Variants in PITPNM3 observed in about 807,000 individuals in gnomAD.
PITPNM3 encodes membrane-associated phosphatidylinositol transfer protein 3.
Under a neutral mutation model 102.0 loss-of-function variants are expected in PITPNM3, and 26 were observed. The ratio of observed to expected loss-of-function variants is 0.25; its 90% confidence interval spans 0.19 to 0.35. The LOEUF is 0.35. Among genes scored for constraint, PITPNM3 ranks in the 10% least tolerant of loss-of-function variants. The probability of loss-of-function intolerance (pLI) is 1.00; values close to 1 mark genes in which losing one functional copy is unlikely to be tolerated. For missense variants in PITPNM3, 1,083 were observed against 1,346.1 expected (o/e 0.80, Z 3.06); for synonymous variants, 578 against 558.6 (o/e 1.03, Z -0.49).
intron 1 of PITPNM3, among the ~76,000 whole-genome samples, chr17:6,552,494 C>T (rs1175243138): frequency 6.6e-6 from 1 of 152,226 alleles, no homozygotes; most frequent in Non-Finnish European, 1.5e-5. Context: ...GGAGCCCTGG[C>T]GTCCCAGCCA....
At chr17:6,505,195 AATAT>A (rs55839764) in intron 3 of PITPNM3, among the ~76,000 whole-genome samples, 36 of 136,308 alleles carry the variant, frequency 2.6e-4, no homozygotes, top group African/African-American at 9.7e-4. Context: ...AGACAAATAA[AATAT>A]ATATATATAT....
At chr17:6,498,644 C>A (rs536171436) in intron 4 of PITPNM3, among the ~76,000 whole-genome samples, 35 of 152,168 alleles carry the variant, frequency 2.3e-4, no homozygotes, top group African/African-American at 7.0e-4. Context: ...GGGATGGGGA[C>A]AGGGAGGAGT....
intron 4 of PITPNM3, among the ~76,000 whole-genome samples, chr17:6,491,553 C>T (rs1906485593): frequency 6.6e-6 from 1 of 152,150 alleles, no homozygotes; most frequent in South Asian, 2.1e-4. Context: ...CCAGAGCCCA[C>T]CTTCCTCACT....
intron 3 of PITPNM3, among the ~76,000 whole-genome samples, chr17:6,515,397 C>CAAAAAAAAAA (rs61420968): frequency 2.4e-5 from 2 of 82,222 alleles, no homozygotes; most frequent in African/African-American, 8.7e-5. Context: ...GACTCCATCT[C>CAAAAAAAAAA]AAAAAAAAAA....
rs763152063 is a variant in PITPNM3 at position 6,472,040 on chromosome 17, C to T, written c.1429+617G>A. 1.3e-5 allele frequency among the ~76,000 whole-genome samples: 2 copies of T among 152,318 alleles called. No individual in the cohort carries two copies. The highest frequency in any genetic ancestry group is 2.1e-4 in the South Asian group (1 of 4,828). ...TTAGGCTAAATTTCCTCAAGTAGGGCGTGGAGCCAAGGCTCCGATTTCCAA... is the reference window on the plus strand; with the variant it reads ...TTAGGCTAAATTTCCTCAAGTAGGGTGTGGAGCCAAGGCTCCGATTTCCAA... On this transcript the variant is annotated intron_variant, in intron 11 of 19. Transcript: ENST00000262483. The surrounding 1 kb of genome is among the most constrained non-coding windows in gnomAD (Gnocchi z 4.1).
At chr17:6,480,756 G>A (rs956289301) in intron 6 of PITPNM3, 3 of 152,276 alleles carry the variant, frequency 2.0e-5, no homozygotes, top group Non-Finnish European at 4.4e-5. Context: ...AGGCGTTTGG[G>A]TCATTTTTGC....
chr17:6,461,680 G>A (rs1326881728), intron 17 of PITPNM3, 124 bp from the exon 18 acceptor site: 2 of 1,132,380 alleles, frequency 1.8e-6, no homozygotes, highest in Non-Finnish European at 2.6e-6. Context: ...GCGTGCTAGG[G>A]AGAACAAGGG....
chr17:6,493,647 C>G (rs71370446), intron 4 of PITPNM3, among the ~76,000 whole-genome samples: 31,840 of 152,144 alleles, frequency 0.21, 3,470 homozygotes, highest in South Asian at 0.31. Flanking sequence ...CCCTCCATGA[C>G]TCCTTAACGC....
chr17:6,528,565 A>G (rs1908970567), intron 2 of PITPNM3, among the ~76,000 whole-genome samples: 1 of 151,660 alleles, frequency 6.6e-6, no homozygotes, highest in Non-Finnish European at 1.5e-5. Context: ...ATGTGTGAGT[A>G]TGTGCATATG....
intron 3 of PITPNM3, among the ~76,000 whole-genome samples, chr17:6,515,397 C>CAAAAAAAA (rs61420968): frequency 9.7e-5 from 8 of 82,142 alleles, no homozygotes; most frequent in Non-Finnish European, 1.5e-4. Flanking sequence ...GACTCCATCT[C>CAAAAAAAA]AAAAAAAAAA....
At chr17:6,530,450 T>G (rs988781426) in intron 2 of PITPNM3, among the ~76,000 whole-genome samples, 1 of 152,062 alleles carries the variant, frequency 6.6e-6, no homozygotes, top group Non-Finnish European at 1.5e-5. Flanking sequence ...AGAACCCAGC[T>G]CCTCAGGCCC....
intron 1 of PITPNM3, among the ~76,000 whole-genome samples, chr17:6,544,654 T>TCTCTCTCTCTCACACACACACA (rs376230474): frequency 1.5e-5 from 2 of 130,206 alleles, no homozygotes; most frequent in African/African-American, 6.2e-5. Context: ...TCTCTCTCTC[T>TCTCTCTCTCTCACACACACACA]CACACACACA....
intron 3 of PITPNM3, among the ~76,000 whole-genome samples, chr17:6,516,896 A>T (rs1365898049): frequency 6.6e-6 from 1 of 152,154 alleles, no homozygotes; most frequent in Non-Finnish European, 1.5e-5. Context: ...AAAAAAATTT[A>T]AAAACGTAAA....
At chr17:6,483,077 T>TG (rs1440828860) in intron 6 of PITPNM3, among the ~76,000 whole-genome samples, 2 of 151,938 alleles carry the variant, frequency 1.3e-5, no homozygotes, top group Non-Finnish European at 2.9e-5. Flanking sequence ...CCCAAGAAGC[T>TG]GGGACTGCAG....
chr17:6,468,397 C>T lies in PITPNM3; in HGVS notation c.1774-56G>A. On this transcript the variant is annotated intron_variant, in intron 13 of 19. Coordinates refer to ENST00000262483, the MANE Select transcript of PITPNM3 (RefSeq NM_031220.4). The surrounding 1 kb of genome is among the most constrained non-coding windows in gnomAD (Gnocchi z 5.2). ...GGTCTTCTGGCTTCTCTGCTTCCCT[C>T]CCAGGGTGTCAGTGCCCACCAGCTT... 5.1e-6 allele frequency: 8 copies of T among 1,558,428 alleles called. No individual in the cohort carries two copies. The highest frequency in any genetic ancestry group is 7.1e-6 in the Non-Finnish European group (8 of 1,130,354).
chr17:6,498,188 G>A (rs1219662058), intron 4 of PITPNM3, among the ~76,000 whole-genome samples: 1 of 152,262 alleles, frequency 6.6e-6, no homozygotes, highest in African/African-American at 2.4e-5. Flanking sequence ...AAGGGCAGAG[G>A]CCAACAGTGC....
rs1390627134 is a variant in PITPNM3 at position 6,537,392 on chromosome 17, G to A, written c.118+595C>T. Among the ~76,000 whole-genome samples, 3 of 151,448 alleles carry A rather than the reference G, an allele frequency of 2.0e-5. No individual in the cohort carries two copies. Among genetic ancestry groups the A allele is most frequent in the African/African-American group, 4.9e-5 (2 of 41,202 alleles). On this transcript the variant is annotated intron_variant, in intron 2 of 19. Transcript: ENST00000262483. The surrounding 1 kb of genome is among the most constrained non-coding windows in gnomAD (Gnocchi z 4.4). Reference sequence around the variant, plus strand: ...CCAGTAGCTGGGATTACAGGCACCCGCCACCACACCCGGCTAATGTTTTGT... The same window carrying A: ...CCAGTAGCTGGGATTACAGGCACCCACCACCACACCCGGCTAATGTTTTGT...
intron 4 of PITPNM3, among the ~76,000 whole-genome samples, chr17:6,498,096 TG>T (rs1277947725): frequency 1.3e-5 from 2 of 152,130 alleles, no homozygotes; most frequent in Non-Finnish European, 2.9e-5. Flanking sequence ...TCTTCTATGG[TG>T]GTGGCATATT....
rs139119218 is a variant in PITPNM3 at position 6,470,345 on chromosome 17, G to A, written c.1688C>T (p.Thr563Met). 618 of 1,614,108 alleles carry A rather than the reference G, an allele frequency of 3.8e-4. No individual in the cohort carries two copies. In the Middle Eastern group the frequency reaches 5.4e-3, roughly 14 times the overall value. Reference protein sequence around the residue: ...DYALYCPDVLTAFPTVALPHL... With the variant: ...DYALYCPDVLMAFPTVALPHL... ...GGGCAGGGCCACGGTGGGGAAGGCCGTGAGGACATCAGGGCAGTACAGGGC... is the reference window on the plus strand; with the variant it reads ...GGGCAGGGCCACGGTGGGGAAGGCCATGAGGACATCAGGGCAGTACAGGGC... The change falls in exon 13 of 20, where the codon ACG (threonine) becomes ATG (methionine). Residue 563 changes from threonine to methionine, a missense_variant. Physicochemically the swap from Thr to Met is moderately conservative, Grantham distance 81. This residue lies in a region of PITPNM3 where 410 missense variants were observed against 638.4 expected (regional missense o/e 0.64). Coordinates refer to ENST00000262483, the MANE Select transcript of PITPNM3 (RefSeq NM_031220.4). The surrounding 1 kb of genome is among the most constrained non-coding windows in gnomAD (Gnocchi z 4.8).
Sources: gnomAD v4.1 joint callset for allele counts (sites outside exome capture counted in the v4.1 genomes callset) on GRCh38, gnomAD v4.1.1 for gene constraint, gnomAD v4.1.1 regional missense constraint, Gnocchi (gnomAD v3.1) non-coding constraint, MANE v1.5 for transcripts, NCBI Gene and HGNC (gene_info 2026-07-23, HGNC 2026-07-21) for gene names.